Variants in ZNF326 observed in about 807,000 individuals in gnomAD.
ZNF326 encodes the protein zinc finger protein 326.
A neutral mutation model predicts 63.1 loss-of-function variants in ZNF326; 30 were observed. That is an observed-to-expected ratio of 0.48 (90% confidence interval 0.36 to 0.64). The LOEUF (loss-of-function observed/expected upper bound fraction) is 0.64. ZNF326 is among the 30% of genes least tolerant of loss of function. The probability of loss-of-function intolerance (pLI) is 0.00; values close to 1 mark genes in which losing one functional copy is unlikely to be tolerated. For synonymous variants in ZNF326, 194 were observed against 228.2 expected (o/e 0.85, Z 1.35); for missense variants, 609 against 720.3 (o/e 0.85, Z 1.77).
In ZNF326 at chr1:90,032,287, AT is replaced by A. The variant is rs1650311509; in HGVS notation, c.*4588del. On this transcript the variant is annotated 3_prime_UTR_variant, in exon 12 of 12. Transcript: ENST00000340281. Reference sequence around the variant, plus strand: ...TTGTTTTAAAACAAAGTTGAAAAATATTATATTAGGGGTCAGGGTGAGGTGC... The same window carrying A: ...TTGTTTTAAAACAAAGTTGAAAAATATATATTAGGGGTCAGGGTGAGGTGC... 2 of 152,330 alleles carry A rather than the reference AT, an allele frequency of 1.3e-5. No individual in the cohort carries two copies. Among genetic ancestry groups the A allele is most frequent in the Admixed American group, 1.3e-4 (2 of 15,278 alleles). 9.4% of individuals were successfully genotyped at this position (152,330 alleles called of 1,614,324 possible).
intron 2 of ZNF326, among the ~76,000 whole-genome samples, chr1:90,000,408 AG>A (rs1438472071): frequency 1.3e-5 from 2 of 152,136 alleles, no homozygotes; most frequent in Non-Finnish European, 2.9e-5. Context: ...CATATAGAAA[AG>A]GGGAGAGAAA....
chr1:90,026,105 A>G (rs559351196), intron 11 of ZNF326, among the ~76,000 whole-genome samples: 1 of 152,122 alleles, frequency 6.6e-6, no homozygotes, highest in Non-Finnish European at 1.5e-5. Flanking sequence ...CTGGGACTAC[A>G]GGTGCCTGCT....
At position 90,029,130 on chromosome 1, in the gene ZNF326, G is replaced by T. The variant is rs1650156274; in HGVS notation, c.*1429G>T. On this transcript the variant is annotated 3_prime_UTR_variant, in exon 12 of 12. Coordinates refer to ENST00000340281, the MANE Select transcript of ZNF326 (RefSeq NM_182976.4). ...AGGGGGCTGTATTTCAGTGAAATTAGAAAAGTTTTGAGGCATCGAATGGAT... is the reference window on the plus strand; with the variant it reads ...AGGGGGCTGTATTTCAGTGAAATTATAAAAGTTTTGAGGCATCGAATGGAT... 1 of 152,140 alleles carries T rather than the reference G, an allele frequency of 6.6e-6. No homozygotes were observed. Among genetic ancestry groups the T allele is most frequent in the Non-Finnish European group, 1.5e-5 (1 of 68,032 alleles). The allele number at this position is 152,140 out of a possible 1,614,324, so 9.4% of individuals were successfully genotyped here.
intron 11 of ZNF326, among the ~76,000 whole-genome samples, chr1:90,026,872 T>C (rs1236906135): frequency 6.6e-6 from 1 of 152,234 alleles, no homozygotes; most frequent in Non-Finnish European, 1.5e-5. Flanking sequence ...GAATGTTTAC[T>C]GAGAGGTTTG....
At chr1:90,010,422 C>G in intron 6 of ZNF326, 136 bp downstream of exon 6, 1 of 902,054 alleles carries the variant, frequency 1.1e-6, no homozygotes, top group Non-Finnish European at 1.7e-6. Context: ...ATCTGTAAAT[C>G]CCCTATTGCA....
chr1:90,001,946 T>G (rs1334326019), intron 2 of ZNF326, among the ~76,000 whole-genome samples: 1 of 152,218 alleles, frequency 6.6e-6, no homozygotes, highest in African/African-American at 2.4e-5. Flanking sequence ...GAGCGTATTA[T>G]TTGTATGATA....
rs1650230590 is a variant in ZNF326, at chr1:90,030,682, T to C, written c.*2981T>C. The C allele has an allele frequency of 6.6e-6, 1 of 151,882 alleles. No homozygotes were observed. Among genetic ancestry groups the C allele is most frequent in the Non-Finnish European group, 1.5e-5 (1 of 67,942 alleles). The allele number at this position is 151,882 out of a possible 1,614,324, so 9.4% of individuals were successfully genotyped here. On this transcript the variant is annotated 3_prime_UTR_variant, in exon 12 of 12. Coordinates refer to ENST00000340281, the MANE Select transcript of ZNF326 (RefSeq NM_182976.4). ...TCTTTTTTTCTACTTTTTTTTTTTT[T>C]TTCTTTAGGTTCTGTCTTTGTCATG...
chr1:90,025,013 T>C (rs188055531), intron 11 of ZNF326, among the ~76,000 whole-genome samples: 170 of 131,204 alleles, frequency 1.3e-3, no homozygotes, highest in Non-Finnish European at 2.2e-3. Context: ...CTTCCTCAAA[T>C]AGACATGCTT....
Position 89,995,339 on chromosome 1 carries a change from G to C in ZNF326, c.16+66G>C, listed in dbSNP as rs371830231. 368 of 1,514,202 alleles carry C rather than the reference G, an allele frequency of 2.4e-4. 2 individuals carry two copies. The East Asian group carries it at 5.3e-3, about 22-fold the overall frequency. The allele number at this position is 1,514,202 out of a possible 1,614,324, so 93.8% of individuals were successfully genotyped here. Reference sequence around the variant, plus strand: ...GCGGGGTGGCCTACGCAGGGGGTCTGTTTACCGTCTCAAGATGGCCGTGTG... The same window carrying C: ...GCGGGGTGGCCTACGCAGGGGGTCTCTTTACCGTCTCAAGATGGCCGTGTG... On this transcript the variant is annotated intron_variant, in intron 1 of 11. Transcript: ENST00000340281.
rs182908835 is a variant in ZNF326 at position 90,032,852 on chromosome 1, A to C, written c.*5151A>C. ...GGTGAGACTCACAGAGTATATGTGC[A>C]GAGCATATAATGCAGAGCATACAAA... On this transcript the variant is annotated 3_prime_UTR_variant, in exon 12 of 12. Coordinates refer to ENST00000340281, the MANE Select transcript of ZNF326 (RefSeq NM_182976.4). The C allele has an allele frequency of 6.6e-6, 1 of 152,420 alleles. No individual in the cohort carries two copies. The highest frequency in any genetic ancestry group is 6.5e-5 in the Admixed American group (1 of 15,312). The allele number at this position is 152,420 out of a possible 1,614,324, so 9.4% of individuals were successfully genotyped here. A position where few individuals can be genotyped will look rare whatever the true frequency, so the allele number is the denominator to read the frequency against.
intron 11 of ZNF326, among the ~76,000 whole-genome samples, chr1:90,027,081 G>GTA (rs944726331): frequency 1.3e-5 from 2 of 151,876 alleles, no homozygotes; most frequent in African/African-American, 4.8e-5. Context: ...GTGTGTGTGT[G>GTA]TGTGTGTATG....
At chr1:90,003,322 CG>C in intron 2 of ZNF326, among the ~76,000 whole-genome samples, 2 of 152,008 alleles carry the variant, frequency 1.3e-5, no homozygotes, top group Middle Eastern at 6.8e-3. Flanking sequence ...TTAGTAGAGA[CG>C]GGGTTTCACT....
chr1:90,010,480 A>C (rs1649185275), intron 6 of ZNF326, among the ~76,000 whole-genome samples, 194 bp downstream of exon 6: 1 of 152,148 alleles, frequency 6.6e-6, no homozygotes, highest in Admixed American at 6.5e-5. Context: ...AAATGTACAT[A>C]ACCTGGTCCA....
At chr1:90,006,583 A>G in intron 4 of ZNF326, 3 of 586,272 alleles carry the variant, frequency 5.1e-6, no homozygotes, top group Non-Finnish European at 6.4e-6. Context: ...TGAAGGAAAT[A>G]ATTTTGCAAA....
At chr1:90,020,711 C>A in intron 9 of ZNF326, 81 bp from the exon 10 acceptor site, 2 of 1,379,028 alleles carry the variant, frequency 1.5e-6, no homozygotes, top group Non-Finnish European at 2.0e-6. Flanking sequence ...TATAAATAAT[C>A]ATGGAAATTA....
At chr1:90,002,279 C>T (rs1648723281) in intron 2 of ZNF326, among the ~76,000 whole-genome samples, 1 of 152,122 alleles carries the variant, frequency 6.6e-6, no homozygotes, top group South Asian at 2.1e-4. Context: ...GTACATTTCA[C>T]AGTGCCTAAC....
chr1:89,995,164 C>A lies in ZNF326; in HGVS notation c.-94C>A. The A allele has an allele frequency of 6.9e-7, 1 of 1,440,720 alleles. No homozygotes were observed. Among genetic ancestry groups the A allele is most frequent in the Admixed American group, 2.1e-5 (1 of 47,358 alleles). The allele number at this position is 1,440,720 out of a possible 1,614,324, so 89.2% of individuals were successfully genotyped here. A position where few individuals can be genotyped will look rare whatever the true frequency, so the allele number is the denominator to read the frequency against. On this transcript the variant is annotated 5_prime_UTR_variant, in exon 1 of 12. Transcript: ENST00000340281. ...TGGTAGCGCGCCGCTCTCGGTCGCG[C>A]GGAGTGATCGTGTGGAATCGCGGGT...
At chr1:89,998,363 G>A (rs1417512956) in intron 2 of ZNF326, among the ~76,000 whole-genome samples, 1 of 151,464 alleles carries the variant, frequency 6.6e-6, no homozygotes, top group Non-Finnish European at 1.5e-5. Context: ...TTTTTTTTTG[G>A]TCCATTTTGT....
Position 90,025,411 on chromosome 1 carries a change from C to G in ZNF326, c.1402-1943C>G, listed in dbSNP as rs115080904. Among the ~76,000 whole-genome samples the G allele has an allele frequency of 4.9e-3, 751 of 152,296 alleles. 5 individuals are homozygous for G. Among genetic ancestry groups the G allele is most frequent in the African/African-American group, 0.017 (707 of 41,558 alleles). ...TCCCGGGTTCAAACGATTCTCCTGGCTCAGCCTCCTGAGTAGCTAGGCCAC... is the reference window on the plus strand; with the variant it reads ...TCCCGGGTTCAAACGATTCTCCTGGGTCAGCCTCCTGAGTAGCTAGGCCAC... On this transcript the variant is annotated intron_variant, in intron 11 of 11. Coordinates refer to ENST00000340281, the MANE Select transcript of ZNF326 (RefSeq NM_182976.4).
Sources: allele counts gnomAD v4.1 joint callset (sites outside exome capture counted in the v4.1 genomes callset), GRCh38; gene constraint gnomAD v4.1.1; transcripts MANE v1.5; gene names NCBI Gene and HGNC (gene_info 2026-07-23, HGNC 2026-07-21).